HDLBP: variants seen among roughly 807,000 people sequenced by gnomAD.
The protein encoded by HDLBP is high density lipoprotein binding protein, also known as vigilin.
In HDLBP, 30 loss-of-function variants were observed where a neutral mutation model predicts 137.3. The observed-to-expected ratio is 0.22, with a 90% CI of 0.16 to 0.30. HDLBP has a LOEUF of 0.30. Among genes scored for constraint, HDLBP ranks in the 10% least tolerant of loss-of-function variants. The pLI is 1.00. For missense variants in HDLBP, 1,119 were observed against 1,667.3 expected, an observed-to-expected ratio of 0.67 and a Z score of 5.73; for synonymous variants, 606 against 596.0, an observed-to-expected ratio of 1.02 and a Z score of -0.24.
chr2:241,290,675 A>G (rs911989545), intron 1 of HDLBP, among the ~76,000 whole-genome samples: 1 of 152,244 alleles, frequency 6.6e-6, no homozygotes, highest in East Asian at 1.9e-4. Flanking sequence ...CTTTATCTCA[A>G]TGCTGGTTAT....
At chr2:241,294,540 G>A (rs2075112847) in intron 1 of HDLBP, among the ~76,000 whole-genome samples, 1 of 152,104 alleles carries the variant, frequency 6.6e-6, no homozygotes. Flanking sequence ...GCTCACTGTA[G>A]CCTTGAACTC....
At chr2:241,251,913 G>A (rs1166467037) in intron 11 of HDLBP, among the ~76,000 whole-genome samples, 8 of 152,280 alleles carry the variant, frequency 5.3e-5, no homozygotes, top group Non-Finnish European at 4.4e-5. Context: ...GGAGGTGGAC[G>A]TTGCAGTGAA....
intron 27 of HDLBP, 48 bp downstream of exon 27, chr2:241,229,785 C>CT: frequency 2.0e-6 from 1 of 505,748 alleles, no homozygotes; most frequent in Non-Finnish European, 3.9e-6. Context: ...AGCCCGCCTG[C>CT]CCGCCCACCC....
At chr2:241,248,162 A>G (rs764446596) in intron 13 of HDLBP, 46 bp from the exon 14 acceptor site, 2 of 1,557,062 alleles carry the variant, frequency 1.3e-6, no homozygotes, top group Non-Finnish European at 1.8e-6. Context: ...GAGGAAGGAC[A>G]TATATCCCAA....
intron 1 of HDLBP, among the ~76,000 whole-genome samples, chr2:241,275,721 C>G (rs2074365648): frequency 6.6e-6 from 1 of 152,136 alleles, no homozygotes; most frequent in African/African-American, 2.4e-5. Context: ...ATAAAGAATA[C>G]TATGAGACCA....
intron 1 of HDLBP, among the ~76,000 whole-genome samples, chr2:241,284,829 T>A (rs966781752): frequency 3.3e-5 from 5 of 152,206 alleles, no homozygotes; most frequent in African/African-American, 1.2e-4. Context: ...GCAAAAAGAT[T>A]AAGACTTGCT....
intron 1 of HDLBP, among the ~76,000 whole-genome samples, chr2:241,300,523 T>C (rs1350254495): frequency 6.6e-6 from 1 of 152,158 alleles, no homozygotes; most frequent in Non-Finnish European, 1.5e-5. Context: ...CAAGCATAAG[T>C]ACATACTGGA....
At chr2:241,308,331 T>A (rs537303155) in intron 1 of HDLBP, among the ~76,000 whole-genome samples, 2 of 152,284 alleles carry the variant, frequency 1.3e-5, no homozygotes, top group African/African-American at 2.4e-5. Context: ...AACAGAGCAG[T>A]AGGAATGAAC....
chr2:241,301,855 T>C (rs1165501966), intron 1 of HDLBP, among the ~76,000 whole-genome samples: 1 of 152,020 alleles, frequency 6.6e-6, no homozygotes, highest in Non-Finnish European at 1.5e-5. Flanking sequence ...ATACATCTTA[T>C]AATATTGAAA....
chr2:241,236,364 G>T, intron 21 of HDLBP: 1 of 531,168 alleles, frequency 1.9e-6, no homozygotes, highest in East Asian at 3.2e-5. Flanking sequence ...GTGGGCCTGA[G>T]AGGCCGGATC....
chr2:241,257,427 T>G (rs891829268), intron 5 of HDLBP, among the ~76,000 whole-genome samples: 1 of 152,198 alleles, frequency 6.6e-6, no homozygotes, highest in African/African-American at 2.4e-5. Flanking sequence ...GAGGCAGGGT[T>G]TCACCATGTT....
chr2:241,239,518 C>A lies in HDLBP; in HGVS notation c.2610+84G>T, dbSNP rs76402769. 9.4e-4 allele frequency: 1,059 copies of A among 1,124,914 alleles called. 14 individuals are homozygous for A. The East Asian group carries it at 0.022, about 23-fold the overall frequency. The allele number at this position is 1,124,914 out of a possible 1,614,324, so 69.7% of individuals were successfully genotyped here. On this transcript the variant is annotated intron_variant, in intron 19 of 27. Transcript: ENST00000310931. This position sits in a 1 kb window ranked among gnomAD's most constrained non-coding sequence, Gnocchi z 4.6. ...GCTGTATGAGGGAGTCACCTCCCTACAGGGTGGAGCGAACACTCATACACG... is the reference window on the plus strand; with the variant it reads ...GCTGTATGAGGGAGTCACCTCCCTAAAGGGTGGAGCGAACACTCATACACG...
chr2:241,265,908 G>A (rs2073631112), intron 3 of HDLBP, among the ~76,000 whole-genome samples: 1 of 152,206 alleles, frequency 6.6e-6, no homozygotes, highest in Non-Finnish European at 1.5e-5. Context: ...CAGCTTCTCG[G>A]GTTCCAACAC....
Position 241,236,604 on chromosome 2 carries a change from T to C in HDLBP, c.2904+11A>G, listed in dbSNP as rs2305073. On this transcript the variant is annotated intron_variant, in intron 21 of 27. Transcript: ENST00000310931. Reference sequence around the variant, plus strand: ...TTGGCGGGGGGTGGAGGGGGGCACATGGACACATACCTCCAGAGCTTCCTT... The same window carrying C: ...TTGGCGGGGGGTGGAGGGGGGCACACGGACACATACCTCCAGAGCTTCCTT... 519,508 of 1,612,854 alleles carry C rather than the reference T, an allele frequency of 0.32. 84,961 individuals carry two copies. The highest frequency in any genetic ancestry group is 0.33 in the Non-Finnish European group (392,302 of 1,179,228).
chr2:241,235,631 TGA>T, intron 21 of HDLBP, 37 bp from the exon 22 acceptor site: 1 of 1,463,984 alleles, frequency 6.8e-7, no homozygotes, highest in Non-Finnish European at 9.6e-7. Context: ...CCGTGGGAGC[TGA>T]GAGCAGAGTG....
rs1464060486 is a variant in HDLBP, at chr2:241,233,204, C to CA, written c.3288+615dup. 3.9e-5 allele frequency among the ~76,000 whole-genome samples: 6 copies of CA among 152,162 alleles called. No individual in the cohort carries two copies. The highest frequency in any genetic ancestry group is 7.4e-5 in the Non-Finnish European group (5 of 68,016). On this transcript the variant is annotated intron_variant, in intron 24 of 27. Coordinates refer to ENST00000310931, the MANE Select transcript of HDLBP (RefSeq NM_005336.6). This position sits in a 1 kb window ranked among gnomAD's most constrained non-coding sequence, Gnocchi z 4.3. ...GCAGGATGCCAGAGCCAGGAAAGAC[C>CA]AAGCCTGGGAAGTGTGTGCAAGAGG...
chr2:241,273,613 A>G (rs1201983442), intron 1 of HDLBP: 1 of 985,220 alleles, frequency 1.0e-6, no homozygotes, highest in Non-Finnish European at 1.2e-6. Context: ...CAATCTGTAG[A>G]GATGTCAGTC....
At chr2:241,246,075 T>C (rs1159774690) in intron 16 of HDLBP, among the ~76,000 whole-genome samples, 2 of 152,154 alleles carry the variant, frequency 1.3e-5, no homozygotes. Flanking sequence ...CAGTGCAATA[T>C]TATCCTGAAA....
At chr2:241,232,893 C>CTGGAG (rs2069943443) in intron 24 of HDLBP, among the ~76,000 whole-genome samples, 1 of 151,842 alleles carries the variant, frequency 6.6e-6, no homozygotes, top group East Asian at 1.9e-4. Flanking sequence ...GACGTGGGAG[C>CTGGAG]TGGAGGAGGC....
Sources: allele counts gnomAD v4.1 joint callset (sites outside exome capture counted in the v4.1 genomes callset), GRCh38; gene constraint gnomAD v4.1.1; non-coding constraint Gnocchi (gnomAD v3.1); transcripts MANE v1.5; gene names NCBI Gene and HGNC (gene_info 2026-07-23, HGNC 2026-07-21).